The following NUMA1 variants were observed in gnomAD, a reference collection of about 807,000 sequenced individuals.
The protein encoded by NUMA1 is SP-H antigen.
A neutral mutation model predicts 237.1 loss-of-function variants in NUMA1; 62 were observed. The ratio of observed to expected loss-of-function variants is 0.26; its 90% CI spans 0.21 to 0.32. The LOEUF is 0.32. NUMA1 is among the 10% of genes least tolerant of loss of function. The pLI, the probability that NUMA1 is intolerant of heterozygous loss-of-function variation, is 1.00. For synonymous variants in NUMA1, 1,028 were observed against 1,066.1 expected (o/e 0.96, Z 0.70); for missense variants, 2,533 against 2,666.5 (o/e 0.95, Z 1.10).
chr11:72,009,694 G>A (rs1956014169), intron 17 of NUMA1, among the ~76,000 whole-genome samples: 1 of 145,996 alleles, frequency 6.8e-6, no homozygotes, highest in African/African-American at 2.6e-5. Flanking sequence ...TAGGAGGAAG[G>A]GAACCAATCC....
rs1363068549 is a variant in NUMA1 at position 72,014,903 on chromosome 11, A to C, written c.2600T>G (p.Ile867Arg). 3 of 1,614,190 alleles carry C rather than the reference A, an allele frequency of 1.9e-6. No homozygotes were observed. Among genetic ancestry groups the C allele is most frequent in the South Asian group, 2.2e-5 (2 of 91,080 alleles). ...AGCTAGTTCGTTCTGCTGCCGGCTTATCTGGAGCTCGCTGTGGGATTCTAT... is the reference window on the plus strand; with the variant it reads ...AGCTAGTTCGTTCTGCTGCCGGCTTCTCTGGAGCTCGCTGTGGGATTCTAT... Reference protein sequence around the residue: ...AGIESHSELQISRQQNELAEL... With the variant: ...AGIESHSELQRSRQQNELAEL... The change falls in exon 15 of 27, where the codon ATA becomes AGA. Residue 867 changes from isoleucine to arginine, a missense_variant. Ile to Arg is a moderately conservative substitution (Grantham distance 97, BLOSUM62 -3). Coordinates refer to ENST00000393695, the MANE Select transcript of NUMA1 (RefSeq NM_006185.4). The surrounding 1 kb of genome is among the most constrained non-coding windows in gnomAD (Gnocchi z 4.6).
At chr11:72,047,976 G>A (rs975612804) in intron 2 of NUMA1, 1 of 152,126 alleles carries the variant, frequency 6.6e-6, no homozygotes, top group Non-Finnish European at 1.5e-5. Flanking sequence ...TAGTATACAT[G>A]CTGCCGAACC....
At chr11:72,064,559 G>C (rs1414802728) in intron 2 of NUMA1, among the ~76,000 whole-genome samples, 5 of 152,098 alleles carry the variant, frequency 3.3e-5, no homozygotes, top group African/African-American at 1.2e-4. Context: ...TAGGCTGGGT[G>C]CAGTGGCATA....
chr11:72,054,152 T>C (rs2136067776), intron 2 of NUMA1, among the ~76,000 whole-genome samples: 1 of 152,222 alleles, frequency 6.6e-6, no homozygotes, highest in Non-Finnish European at 1.5e-5. Flanking sequence ...AATGAACATG[T>C]GTGCCAAAAA....
chr11:72,072,856 C>T (rs1012557490), intron 1 of NUMA1, among the ~76,000 whole-genome samples: 2 of 151,886 alleles, frequency 1.3e-5, no homozygotes, highest in African/African-American at 2.4e-5. Flanking sequence ...AGATAGAGAC[C>T]ACGGTGAAAC....
chr11:72,045,911 T>G (rs1048853362), intron 2 of NUMA1, among the ~76,000 whole-genome samples: 2 of 152,194 alleles, frequency 1.3e-5, no homozygotes, highest in Admixed American at 1.3e-4. Flanking sequence ...CTAGCCCAGA[T>G]AGAATTGATA....
chr11:72,007,370 T>G lies in NUMA1; in HGVS notation c.5282A>C (p.Gln1761Pro). The change falls in exon 21 of 27, where the codon CAG (glutamine) becomes CCG (proline). Residue 1761 changes from glutamine to proline, a missense_variant. Transcript: ENST00000393695. ...GGATTCTACCTTGGGGGGCAGGCGC[T>G]GGGAGATAGGTGAGGCTGGTTCTCC... ...VPGEPASPIS[Q>P]RLPPKVESLE... 3.7e-6 allele frequency: 6 copies of G among 1,613,792 alleles called. No homozygotes were observed. Among genetic ancestry groups the G allele is most frequent in the Non-Finnish European group, 5.1e-6 (6 of 1,179,896 alleles).
In NUMA1 at chr11:72,007,058, T is replaced by G. The variant is rs963976910; in HGVS notation, c.5463+131A>C. The G allele has an allele frequency of 2.0e-5, 22 of 1,124,902 alleles. No individual in the cohort carries two copies. The African/African-American group carries it at 2.9e-4, about 15-fold the overall frequency. The allele number at this position is 1,124,902 out of a possible 1,614,324, so 69.7% of individuals were successfully genotyped here. A position where few individuals can be genotyped will look rare whatever the true frequency, so the allele number is the denominator to read the frequency against. Reference sequence around the variant, plus strand: ...CCAAGTCACTGCCCTTTTTAAGACCTCTCAGCTTTCCCACTGTAACATGGA... The same window carrying G: ...CCAAGTCACTGCCCTTTTTAAGACCGCTCAGCTTTCCCACTGTAACATGGA... On this transcript the variant is annotated intron_variant, in intron 21 of 26. Transcript: ENST00000393695.
intron 10 of NUMA1, 136 bp from the exon 11 acceptor site, chr11:72,018,649 G>A (rs1938267991): frequency 2.8e-6 from 3 of 1,066,314 alleles, no homozygotes; most frequent in East Asian, 2.4e-5. Context: ...TCCAATCTAA[G>A]GGAAAGAGAA....
chr11:72,004,323 A>G lies in NUMA1; in HGVS notation c.6025T>C (p.Cys2009Arg). Residue 2009 changes from cysteine (C) to arginine (R), a missense_variant, in exon 25 of 27, where the codon TGT (cysteine) becomes CGT (arginine). Transcript: ENST00000393695. ...GTPESKKATS[C>R]FPRPMTPRDR... ...CGGGGAGTCATGGGGCGTGGGAAAC[A>G]GCTGGTGGCCTTCTTAGACTATGGA... 1 of 1,613,218 alleles carries G rather than the reference A, an allele frequency of 6.2e-7. No homozygotes were observed. The highest frequency in any genetic ancestry group is 1.7e-5 in the Admixed American group (1 of 59,616).
At chr11:72,031,123 C>G (rs1465715267) in intron 3 of NUMA1, among the ~76,000 whole-genome samples, 2 of 151,754 alleles carry the variant, frequency 1.3e-5, no homozygotes, top group East Asian at 1.9e-4. Context: ...TACCTTGTCT[C>G]TACTAAATAA....
chr11:72,038,955 A>G (rs943439562), intron 2 of NUMA1, among the ~76,000 whole-genome samples: 4 of 152,198 alleles, frequency 2.6e-5, no homozygotes, highest in Non-Finnish European at 5.9e-5. Flanking sequence ...GGTCTCAAGA[A>G]GTAACCAAGG....
intron 13 of NUMA1, 170 bp from the exon 14 acceptor site, chr11:72,016,700 C>G (rs746542007): frequency 1.4e-6 from 1 of 737,460 alleles, no homozygotes; most frequent in Non-Finnish European, 2.2e-6. Context: ...CATGAGGGAC[C>G]TGATTCTCTA....
chr11:72,058,169 G>A (rs1591059595), intron 2 of NUMA1, among the ~76,000 whole-genome samples: 1 of 152,266 alleles, frequency 6.6e-6, no homozygotes, highest in South Asian at 2.1e-4. Context: ...TTCAAAACCA[G>A]TGAAGCAATA....
At chr11:72,010,912 T>C in intron 16 of NUMA1, 58 bp from the exon 17 acceptor site, 2 of 1,456,864 alleles carry the variant, frequency 1.4e-6, no homozygotes, top group Non-Finnish European at 1.9e-6. Context: ...ATGTTCATCC[T>C]GGATGTCCAC....
chr11:72,007,665 G>A lies in NUMA1; in HGVS notation c.5217-230C>T, dbSNP rs75840418. On this transcript the variant is annotated intron_variant, in intron 20 of 26. Transcript: ENST00000393695. ...CTCATAGTGGCAATGCCCAGACCCA[G>A]ATGTCCCATCCCCACCAGATGCCCA... The A allele has an allele frequency of 3.0e-3, 1,772 of 584,206 alleles. 6 individuals carry two copies. The highest frequency in any genetic ancestry group is 4.3e-3 in the South Asian group (214 of 50,348). 36.2% of individuals were successfully genotyped at this position (584,206 alleles called of 1,614,324 possible).
chr11:72,007,170 C>G lies in NUMA1; in HGVS notation c.5463+19G>C, dbSNP rs915397727. On this transcript the variant is annotated intron_variant, in intron 21 of 26. Transcript: ENST00000393695. Reference sequence around the variant, plus strand: ...AAGTGGGAATTGCTGCCCTGCAGCCCCTGTCCCAGCAGCCTGACCTTGGTC... The same window carrying G: ...AAGTGGGAATTGCTGCCCTGCAGCCGCTGTCCCAGCAGCCTGACCTTGGTC... 1 of 1,603,984 alleles carries G rather than the reference C, an allele frequency of 6.2e-7. No homozygotes were observed. The highest frequency in any genetic ancestry group is 8.5e-7 in the Non-Finnish European group (1 of 1,179,702).
At chr11:72,016,845 C>T (rs1937860715) in intron 13 of NUMA1, 3 of 242,306 alleles carry the variant, frequency 1.2e-5, no homozygotes, top group Non-Finnish European at 2.4e-5. Context: ...ATCCAAATCA[C>T]CACCAGCTGC....
At chr11:72,062,565 G>A (rs1241019858) in intron 2 of NUMA1, 1 of 151,614 alleles carries the variant, frequency 6.6e-6, no homozygotes, top group African/African-American at 2.4e-5. Flanking sequence ...ATACAAAAAA[G>A]TAGCTGGGTG....
Sources: gnomAD v4.1 joint callset for allele counts (sites outside exome capture counted in the v4.1 genomes callset) on GRCh38, gnomAD v4.1.1 for gene constraint, Gnocchi (gnomAD v3.1) non-coding constraint, MANE v1.5 for transcripts, NCBI Gene and HGNC (gene_info 2026-07-23, HGNC 2026-07-21) for gene names.